Variants in ADAR observed in about 807,000 individuals in gnomAD.
ADAR encodes double-stranded RNA-specific adenosine deaminase.
A neutral mutation model predicts 113.2 loss-of-function variants in ADAR; 41 were observed. The ratio of observed to expected loss-of-function variants is 0.36; its 90% confidence interval spans 0.28 to 0.47. The LOEUF is 0.47. ADAR is among the 20% of genes least tolerant of loss of function. The pLI, the probability that ADAR is intolerant of heterozygous loss-of-function variation, is 1.00. For synonymous variants in ADAR, 605 were observed against 572.6 expected (o/e 1.06, Z -0.81); for missense variants, 1,242 against 1,540.9 (o/e 0.81, Z 3.25).
At chr1:154,622,170 C>T (rs1409954526) in intron 1 of ADAR, among the ~76,000 whole-genome samples, 1 of 152,146 alleles carries the variant, frequency 6.6e-6, no homozygotes, top group Non-Finnish European at 1.5e-5. Context: ...CCACCTGGCT[C>T]TGCCACATAT....
At chr1:154,606,953 T>TATAC (rs764224614) in intron 1 of ADAR, among the ~76,000 whole-genome samples, 1 of 148,486 alleles carries the variant, frequency 6.7e-6, no homozygotes, top group East Asian at 2.0e-4. Context: ...AAAAAATATA[T>TATAC]ATATATCTTA....
chr1:154,590,109 G>A (rs1697031537), intron 7 of ADAR, 75 bp downstream of exon 7: 3 of 1,520,308 alleles, frequency 2.0e-6, no homozygotes, highest in East Asian at 2.3e-5. Flanking sequence ...TCGCATGACA[G>A]CAAGAGCCAC....
At position 154,597,887 on chromosome 1, in the gene ADAR, T is replaced by C. The variant is rs771871176; in HGVS notation, c.1875A>G (p.Lys625=). ...GACGGAATTCGCAGGAGTTCCCCAA[T>C]TTGTGCATACACTCAAGCAGTGTGG... ...PVTTLLECMH[K]LGNSCEFRLL... is the part of the protein sequence containing the mutation. The change falls in exon 4 of 15, where the codon AAA becomes AAG. Residue 625 remains lysine (K), a synonymous_variant. Transcript: ENST00000368474. The C allele has an allele frequency of 1.2e-4, 194 of 1,613,992 alleles. No homozygotes were observed. The highest frequency in any genetic ancestry group is 1.5e-4 in the Non-Finnish European group (181 of 1,180,028).
intron 1 of ADAR, among the ~76,000 whole-genome samples, chr1:154,607,062 AC>A (rs1163867093): frequency 6.6e-6 from 1 of 152,148 alleles, no homozygotes; most frequent in Admixed American, 6.5e-5. Flanking sequence ...AAGATATAGA[AC>A]ATTTCTATTT....
intron 1 of ADAR, 40 bp from the exon 2 acceptor site, chr1:154,602,666 CTGCAGTGGTGAACCT>C: frequency 6.2e-7 from 1 of 1,608,072 alleles, no homozygotes; most frequent in Non-Finnish European, 8.5e-7. Flanking sequence ...TGAATTAGGG[CTGCAGTGGTGAACCT>C]GTGGAGGCCC....
chr1:154,600,889 G>T, intron 2 of ADAR, 152 bp downstream of exon 2: 1 of 1,078,470 alleles, frequency 9.3e-7, no homozygotes, highest in Non-Finnish European at 1.4e-6. Flanking sequence ...CTGGAGAAAG[G>T]GCCAATCAAG....
intron 6 of ADAR, 78 bp downstream of exon 6, chr1:154,596,727 A>C: frequency 6.4e-7 from 1 of 1,555,358 alleles, no homozygotes; most frequent in Admixed American, 1.7e-5. Flanking sequence ...ACACAGCTAA[A>C]GCACACCCTT....
chr1:154,607,785 A>G (rs1698296750), intron 1 of ADAR, among the ~76,000 whole-genome samples: 1 of 150,768 alleles, frequency 6.6e-6, no homozygotes, highest in Non-Finnish European at 1.5e-5. Context: ...TAAACCAGCA[A>G]TGCTGCTTGG....
At chr1:154,598,083 G>A (rs1697623678) in intron 3 of ADAR, 107 bp from the exon 4 acceptor site, 8 of 1,384,970 alleles carry the variant, frequency 5.8e-6, no homozygotes, top group Middle Eastern at 1.9e-4. Flanking sequence ...CACCTGTCAA[G>A]GGGTTGGCTT....
At chr1:154,607,564 G>A (rs974828842) in intron 1 of ADAR, among the ~76,000 whole-genome samples, 7 of 152,128 alleles carry the variant, frequency 4.6e-5, no homozygotes, top group African/African-American at 7.2e-5. Context: ...AGCAGAAAGG[G>A]AGACGATGTG....
upstream of ADAR, among the ~76,000 whole-genome samples, chr1:154,613,169 T>C (rs970524121): frequency 6.6e-6 from 1 of 152,070 alleles, no homozygotes; most frequent in African/African-American, 2.4e-5. Flanking sequence ...CTTGCTTTGA[T>C]AACCTGTAAA....
chr1:154,610,808 C>CAAAAAAAAAAAAAA (rs1369386387), upstream of ADAR, among the ~76,000 whole-genome samples: 69 of 40,542 alleles, frequency 1.7e-3, 7 homozygotes, highest in Non-Finnish European at 2.9e-3. Context: ...GACACCGTCT[C>CAAAAAAAAAAAAAA]AAAAAAAAAA....
rs1698321982 is a variant in ADAR at position 154,608,068 on chromosome 1, G to A, written c.-62C>T. The A allele has an allele frequency of 3.3e-6, 5 of 1,517,264 alleles. No homozygotes were observed. Among genetic ancestry groups the A allele is most frequent in the Non-Finnish European group, 4.4e-6 (5 of 1,133,742 alleles). 94.0% of individuals were successfully genotyped at this position (1,517,264 alleles called of 1,614,324 possible). A position where few individuals can be genotyped will look rare whatever the true frequency, so the allele number is the denominator to read the frequency against. On this transcript the variant is annotated 5_prime_UTR_variant, in exon 1 of 15. Transcript: ENST00000368474. ...CGGCACGACCCTGGCCCGACCGCTGGGCCGCGCCAGCCCCTCGAGGCCCCC... is the reference window on the plus strand; with the variant it reads ...CGGCACGACCCTGGCCCGACCGCTGAGCCGCGCCAGCCCCTCGAGGCCCCC...
Position 154,586,250 on chromosome 1 carries a change from C to T in ADAR, c.3133G>A (p.Val1045Met), listed in dbSNP as rs1359691347. ...SCSDKILRWN[V>M]LGLQGALLTH... ...AACAGTGCCCCTTGCAGGCCCAGCA[C>T]GTTCCAGCGTAGGATTTTGTCACTA... The change falls in exon 12 of 15, where the codon GTG (valine) becomes ATG (methionine). Residue 1045 changes from valine to methionine, a missense_variant. Val to Met is a conservative substitution (Grantham distance 21). Around this residue, in one of 2 missense-constraint regions of ADAR, gnomAD observed 780 missense variants for 1,057.9 expected, o/e 0.74. Transcript: ENST00000368474. The T allele has an allele frequency of 1.9e-6, 3 of 1,614,080 alleles. No individual in the cohort carries two copies. Among genetic ancestry groups the T allele is most frequent in the Admixed American group, 1.7e-5 (1 of 60,012 alleles).
At chr1:154,625,768 G>T (rs540458719) in intron 1 of ADAR, among the ~76,000 whole-genome samples, 1 of 152,282 alleles carries the variant, frequency 6.6e-6, no homozygotes, top group African/African-American at 2.4e-5. Context: ...AGTTTGGGAG[G>T]CCGAGGCAGG....
intron 1 of ADAR, among the ~76,000 whole-genome samples, chr1:154,603,275 G>A (rs555093475): frequency 2.8e-4 from 42 of 152,286 alleles, no homozygotes; most frequent in African/African-American, 8.7e-4. Flanking sequence ...AAAAGGCCAC[G>A]GGACCTCAGA....
intron 1 of ADAR, among the ~76,000 whole-genome samples, chr1:154,615,958 T>C (rs1698623141): frequency 6.6e-6 from 1 of 152,210 alleles, no homozygotes; most frequent in Admixed American, 6.5e-5. Context: ...CCGCATGTAC[T>C]TTGGCCTCTT....
rs1373206274 is a variant in ADAR at position 154,627,854 on chromosome 1, C to T, written c.-871+1G>A. ...TAGCCGAGAAGGACAGAGGCTCTTACCGGGTCTTGCACTTCCTCGGGACAC... is the reference window on the plus strand; with the variant it reads ...TAGCCGAGAAGGACAGAGGCTCTTATCGGGTCTTGCACTTCCTCGGGACAC... On this transcript the variant is annotated splice_donor_variant, in intron 1 of 14. Transcript: ENST00000368471. LOFTEE classifies it low-confidence loss of function (5UTR_SPLICE). The T allele has an allele frequency of 1.9e-6, 1 of 517,692 alleles. No individual in the cohort carries two copies. The highest frequency in any genetic ancestry group is 5.5e-5 in the East Asian group (1 of 18,346). The allele number at this position is 517,692 out of a possible 1,614,324, so 32.1% of individuals were successfully genotyped here. A position where few individuals can be genotyped will look rare whatever the true frequency, so the allele number is the denominator to read the frequency against.
Position 154,584,789 on chromosome 1 carries a change from T to C in ADAR, c.*17A>G, listed in dbSNP as rs1242581909. Reference sequence around the variant, plus strand: ...CCCTAGTATGACACACCCTAATCCATCTGTCACTGGAGCATACTATACTGG... The same window carrying C: ...CCCTAGTATGACACACCCTAATCCACCTGTCACTGGAGCATACTATACTGG... On this transcript the variant is annotated 3_prime_UTR_variant, in exon 15 of 15. Coordinates refer to ENST00000368474, the MANE Select transcript of ADAR (RefSeq NM_001111.5). 1 of 1,594,260 alleles carries C rather than the reference T, an allele frequency of 6.3e-7. No individual in the cohort carries two copies. Among genetic ancestry groups the C allele is most frequent in the Non-Finnish European group, 8.6e-7 (1 of 1,162,772 alleles).
Sources: allele counts gnomAD v4.1 joint callset (sites outside exome capture counted in the v4.1 genomes callset), GRCh38; gene constraint gnomAD v4.1.1; regional missense constraint gnomAD v4.1.1; transcripts MANE v1.5; gene names NCBI Gene and HGNC (gene_info 2026-07-23, HGNC 2026-07-21).